Variants in SLC35E3 observed in about 807,000 individuals in gnomAD.
SLC35E3 encodes solute carrier family 35 member E3.
Under a neutral mutation model 30.8 loss-of-function variants are expected in SLC35E3, and 28 were observed. That is an observed-to-expected ratio of 0.91 (90% CI 0.67 to 1.25). The LOEUF (loss-of-function observed/expected upper bound fraction) is 1.25. SLC35E3 is among the 50% of genes most tolerant of loss of function. The pLI, the probability that SLC35E3 is intolerant of heterozygous loss-of-function variation, is 0.00. For missense variants in SLC35E3, 365 were observed against 375.4 expected, an observed-to-expected ratio of 0.97 and a Z score of 0.23; for synonymous variants, 146 against 149.2, an observed-to-expected ratio of 0.98 and a Z score of 0.16.
rs1184514592 is a variant in SLC35E3 at position 68,769,769 on chromosome 12, G to A, written c.*4879G>A. The A allele has an allele frequency of 6.6e-6, 1 of 152,192 alleles. No homozygotes were observed. Among genetic ancestry groups the A allele is most frequent in the South Asian group, 2.1e-4 (1 of 4,830 alleles). The allele number at this position is 152,192 out of a possible 1,614,324, so 9.4% of individuals were successfully genotyped here. On this transcript the variant is annotated 3_prime_UTR_variant, in exon 5 of 5. Coordinates refer to ENST00000398004, the MANE Select transcript of SLC35E3 (RefSeq NM_018656.5). ...TACCTGCTAATATCAGGAATATAAT[G>A]ATAATTGCATTCATTCAACAAAAAT...
intron 3 of SLC35E3, among the ~76,000 whole-genome samples, chr12:68,754,742 C>T (rs11177355): frequency 0.052 from 7,976 of 152,134 alleles, 270 homozygotes; most frequent in Middle Eastern, 0.099. Context: ...ATTGGCAAAT[C>T]AAGGGCATAT....
chr12:68,751,416 C>T (rs1878790478), intron 2 of SLC35E3, among the ~76,000 whole-genome samples: 1 of 151,984 alleles, frequency 6.6e-6, no homozygotes, highest in African/African-American at 2.4e-5. Flanking sequence ...TCCTGCTCAG[C>T]GTCCCGAGTA....
At chr12:68,758,082 A>C (rs1879093249) in intron 3 of SLC35E3, among the ~76,000 whole-genome samples, 1 of 147,958 alleles carries the variant, frequency 6.8e-6, no homozygotes, top group African/African-American at 2.5e-5. Context: ...ACAGAATGAG[A>C]CTCCATCTCA....
chr12:68,755,274 C>G (rs1878959834), intron 3 of SLC35E3, among the ~76,000 whole-genome samples: 1 of 152,184 alleles, frequency 6.6e-6, no homozygotes, highest in African/African-American at 2.4e-5. Context: ...CACAAACATT[C>G]AGTCCATAAT....
At position 68,759,240 on chromosome 12, in the gene SLC35E3, G is replaced by A. The variant is rs201035799; in HGVS notation, c.755+1G>A. The A allele has an allele frequency of 1.3e-5, 21 of 1,605,040 alleles. No homozygotes were observed. Among genetic ancestry groups the A allele is most frequent in the African/African-American group, 5.4e-5 (4 of 74,630 alleles). The stretch of plus-strand genomic sequence containing the variant: ...TCATTGGGAACACTTCACCTGTCAC[G>A]TATCCTTTTCATATAACTTAGAAAT... On this transcript the variant is annotated splice_donor_variant, in intron 4 of 4. Transcript: ENST00000398004. LOFTEE classifies it high-confidence loss of function.
rs1295069332 is a variant in SLC35E3 at position 68,775,594 on chromosome 12, TG to T, written c.*10708del. 1 of 152,140 alleles carries T rather than the reference TG, an allele frequency of 6.6e-6. No homozygotes were observed. The highest frequency in any genetic ancestry group is 1.5e-5 in the Non-Finnish European group (1 of 68,052). 9.4% of individuals were successfully genotyped at this position (152,140 alleles called of 1,614,324 possible). On this transcript the variant is annotated 3_prime_UTR_variant, in exon 5 of 5. Transcript: ENST00000398004. ...GCGCCATCTCTCAATATTGCCACAT[TG>T]GGGATGTTTCCAGATGAGTTTTGGA...
intron 4 of SLC35E3, among the ~76,000 whole-genome samples, chr12:68,759,810 T>C (rs1437752996): frequency 2.0e-5 from 3 of 152,222 alleles, no homozygotes; most frequent in Admixed American, 6.5e-5. Flanking sequence ...CTTACAAAAA[T>C]TAACTCAGAG....
rs572905274 is a variant in SLC35E3 at position 68,760,369 on chromosome 12, C to T, written c.755+1130C>T. 5.3e-5 allele frequency among the ~76,000 whole-genome samples: 8 copies of T among 152,220 alleles called. No individual in the cohort carries two copies. In the South Asian group the frequency reaches 1.2e-3, roughly 24 times the overall value. On this transcript the variant is annotated intron_variant, in intron 4 of 4. Transcript: ENST00000398004. ...GCCAACTATCAATAAAAAACAACAACGATAAGTTTTTTAGAAAACCAATAC... is the reference window on the plus strand; with the variant it reads ...GCCAACTATCAATAAAAAACAACAATGATAAGTTTTTTAGAAAACCAATAC...
At position 68,774,500 on chromosome 12, in the gene SLC35E3, A is replaced by T. The variant is rs990287273; in HGVS notation, c.*9610A>T. ...AGGCTGAGACAGGAGAATCGCTTGAACCAGGGAGGCAGAGGTTGCAGTGAG... is the reference window on the plus strand; with the variant it reads ...AGGCTGAGACAGGAGAATCGCTTGATCCAGGGAGGCAGAGGTTGCAGTGAG... On this transcript the variant is annotated 3_prime_UTR_variant, in exon 5 of 5. Coordinates refer to ENST00000398004, the MANE Select transcript of SLC35E3 (RefSeq NM_018656.5). 2.0e-5 allele frequency: 3 copies of T among 152,010 alleles called. No individual in the cohort carries two copies. Among genetic ancestry groups the T allele is most frequent in the African/African-American group, 4.9e-5 (2 of 41,230 alleles). 9.4% of individuals were successfully genotyped at this position (152,010 alleles called of 1,614,324 possible). A position where few individuals can be genotyped will look rare whatever the true frequency, so the allele number is the denominator to read the frequency against.
chr12:68,749,997 A>G (rs1021425508), intron 2 of SLC35E3, among the ~76,000 whole-genome samples: 1 of 152,158 alleles, frequency 6.6e-6, no homozygotes, highest in African/African-American at 2.4e-5. Flanking sequence ...GAGGGAAGGA[A>G]GGGTAAAAGG....
chr12:68,749,052 G>A (rs1878697232), intron 2 of SLC35E3, among the ~76,000 whole-genome samples: 1 of 152,152 alleles, frequency 6.6e-6, no homozygotes, highest in Non-Finnish European at 1.5e-5. Context: ...AAATGCACTT[G>A]TTTTTGCCTA....
At position 68,775,944 on chromosome 12, in the gene SLC35E3, G is replaced by A; in HGVS notation, c.*11054G>A. On this transcript the variant is annotated 3_prime_UTR_variant, in exon 5 of 5. Coordinates refer to ENST00000398004, the MANE Select transcript of SLC35E3 (RefSeq NM_018656.5). ...GCCTGGGTGACAAGAGCGAAACTCT[G>A]TCTCAAAAAAAAAAAAAAAAAAAAA... 2.2e-5 allele frequency: 1 copy of A among 45,266 alleles called. No individual in the cohort carries two copies. Among genetic ancestry groups the A allele is most frequent in the Non-Finnish European group, 3.8e-5 (1 of 26,342 alleles). The allele number at this position is 45,266 out of a possible 1,614,324, so 2.8% of individuals were successfully genotyped here.
At position 68,746,596 on chromosome 12, in the gene SLC35E3, G is replaced by A; in HGVS notation, c.219G>A (p.Pro73=). The A allele has an allele frequency of 6.2e-7, 1 of 1,614,198 alleles. No homozygotes were observed. Among genetic ancestry groups the A allele is most frequent in the Non-Finnish European group, 8.5e-7 (1 of 1,180,040 alleles). ...ACATCTTTGCCCCCAAAAGTCTGCCGCCCTCCAGGCTCCTCCTCCTGGCCC... is the reference window on the plus strand; with the variant it reads ...ACATCTTTGCCCCCAAAAGTCTGCCACCCTCCAGGCTCCTCCTCCTGGCCC... The part of the protein sequence containing the change: ...KLDIFAPKSL[P]PSRLLLLALS... The change falls in exon 1 of 5, where the codon CCG becomes CCA. Residue 73 remains proline (P), a synonymous_variant. Transcript: ENST00000398004.
rs935398750 is a variant in SLC35E3 at position 68,771,518 on chromosome 12, AAG to A, written c.*6631_*6632del. ...CTGCAAAAGAAACAGAGAAGGAACA[AAG>A]AGGTGGGAGGAAAATGGGCCGGGCA... On this transcript the variant is annotated 3_prime_UTR_variant, in exon 5 of 5. Transcript: ENST00000398004. 4 of 152,330 alleles carry A rather than the reference AAG, an allele frequency of 2.6e-5. No homozygotes were observed. Among genetic ancestry groups the A allele is most frequent in the African/African-American group, 7.2e-5 (3 of 41,568 alleles). 9.4% of individuals were successfully genotyped at this position (152,330 alleles called of 1,614,324 possible).
In SLC35E3 at chr12:68,765,045, T is replaced by C; in HGVS notation, c.*155T>C. 1.7e-6 allele frequency: 1 copy of C among 593,392 alleles called. No homozygotes were observed. Among genetic ancestry groups the C allele is most frequent in the Non-Finnish European group, 2.8e-6 (1 of 351,998 alleles). The allele number at this position is 593,392 out of a possible 1,614,324, so 36.8% of individuals were successfully genotyped here. The stretch of plus-strand genomic sequence containing the variant: ...GCCAAGGCCAGCGGATCACTTGAGG[T>C]CAGGAGTTCGAGACCAGCCTGACCA... On this transcript the variant is annotated 3_prime_UTR_variant, in exon 5 of 5. Transcript: ENST00000398004.
At chr12:68,752,003 C>A (rs777689870) in intron 2 of SLC35E3, 29 bp from the exon 3 acceptor site, 2 of 1,548,826 alleles carry the variant, frequency 1.3e-6, no homozygotes, top group Non-Finnish European at 1.7e-6. Context: ...TTCTTTTGTG[C>A]CAGACATGTT....
At chr12:68,759,572 T>C (rs1879170261) in intron 4 of SLC35E3, among the ~76,000 whole-genome samples, 2 of 151,928 alleles carry the variant, frequency 1.3e-5, no homozygotes, top group Admixed American at 1.3e-4. Context: ...GGTAAGGTGG[T>C]GCACGCCTGT....
chr12:68,753,809 T>TACACACAC (rs1229325376), intron 3 of SLC35E3, among the ~76,000 whole-genome samples: 38,363 of 148,318 alleles, frequency 0.26, 5,685 homozygotes, highest in South Asian at 0.46. Flanking sequence ...TATATATCCA[T>TACACACAC]ACACACACAC....
chr12:68,747,861 G>A, intron 1 of SLC35E3, 69 bp from the exon 2 acceptor site: 1 of 767,362 alleles, frequency 1.3e-6, no homozygotes, highest in East Asian at 2.5e-5. Context: ...GTAAGACATT[G>A]TGAAAGGAAT....
Sources: gnomAD v4.1 joint callset for allele counts (sites outside exome capture counted in the v4.1 genomes callset) on GRCh38, gnomAD v4.1.1 for gene constraint, MANE v1.5 for transcripts, NCBI Gene and HGNC (gene_info 2026-07-23, HGNC 2026-07-21) for gene names.